The following GPHN variants were observed in gnomAD, a reference collection of about 807,000 sequenced individuals.
GPHN encodes the protein gephyrin.
A neutral mutation model predicts 95.5 loss-of-function variants in GPHN; 17 were observed. The observed-to-expected ratio is 0.18, with a 90% CI of 0.12 to 0.27. The LOEUF (loss-of-function observed/expected upper bound fraction) is 0.27, where lower values mean the gene tolerates loss of function less well. GPHN is among the 10% of genes least tolerant of loss of function. The pLI, the probability that GPHN is intolerant of heterozygous loss-of-function variation, is 1.00. For missense variants in GPHN, 660 were observed against 978.1 expected, an observed-to-expected ratio of 0.67 and a Z score of 4.34; for synonymous variants, 320 against 322.5, an observed-to-expected ratio of 0.99 and a Z score of 0.08.
At chr14:66,793,057 C>A (rs1420933213) in intron 3 of GPHN, among the ~76,000 whole-genome samples, 1 of 151,788 alleles carries the variant, frequency 6.6e-6, no homozygotes. Flanking sequence ...TGTTCCTTGC[C>A]CTCATTCCCG....
the GPHN span, among the ~76,000 whole-genome samples, chr14:67,413,416 C>T: frequency 6.6e-5 from 10 of 152,098 alleles, no homozygotes; most frequent in Admixed American, 5.2e-4. Flanking sequence ...TATTTGTGCT[C>T]CAGTTTGAAG....
the GPHN span, among the ~76,000 whole-genome samples, chr14:67,191,844 C>A: frequency 2.6e-5 from 4 of 152,206 alleles, no homozygotes; most frequent in African/African-American, 7.2e-5. Context: ...AGGAATCTCT[C>A]TTTTCTTTTA....
chr14:67,370,941 A>G, the GPHN span, among the ~76,000 whole-genome samples: 1 of 152,082 alleles, frequency 6.6e-6, no homozygotes, highest in Admixed American at 6.6e-5. Context: ...AGGTTGGAGG[A>G]TTGCTTGAGG....
rs556016041 is a variant in GPHN at position 66,928,408 on chromosome 14, A to G, written c.828+4116A>G. ...CATCTCTGATTTTATTTATTTGGGT[A>G]TTCTCTCTTTTCTTCTTTGGCTAAA... On this transcript the variant is annotated intron_variant, in intron 8 of 22. Transcript: ENST00000478722. Among the ~76,000 whole-genome samples, 6 of 151,852 alleles carry G rather than the reference A, an allele frequency of 4.0e-5. 1 individual carries two copies. The Middle Eastern group carries it at 0.014, about 344-fold the overall frequency.
rs3759753 is a variant in GPHN at position 66,681,098 on chromosome 14, T to C, written c.65-9T>C. ...TTAATTTTTTTTTCTTTTCCCCATTTCTATTTAGTGAGTGATAGTTGCTTC... is the reference window on the plus strand; with the variant it reads ...TTAATTTTTTTTTCTTTTCCCCATTCCTATTTAGTGAGTGATAGTTGCTTC... On this transcript the variant is annotated splice_polypyrimidine_tract_variant and intron_variant, in intron 1 of 22. Coordinates refer to ENST00000478722, the MANE Select transcript of GPHN (RefSeq NM_020806.5). The C allele has an allele frequency of 0.19, 284,404 of 1,511,636 alleles. 41,835 individuals carry two copies. Among genetic ancestry groups the C allele is most frequent in the African/African-American group, 0.66 (46,804 of 71,262 alleles). 93.6% of individuals were successfully genotyped at this position (1,511,636 alleles called of 1,614,324 possible).
At chr14:67,288,215 C>T in the GPHN span, among the ~76,000 whole-genome samples, 3 of 152,066 alleles carry the variant, frequency 2.0e-5, no homozygotes, top group African/African-American at 7.2e-5. Flanking sequence ...AAGTAGCTGG[C>T]ACTTTAGACA....
At chr14:67,282,182 G>A in the GPHN span, among the ~76,000 whole-genome samples, 4 of 152,132 alleles carry the variant, frequency 2.6e-5, no homozygotes, top group African/African-American at 9.6e-5. Flanking sequence ...AAAGTGAAGT[G>A]TAATAGCTTT....
At chr14:66,844,102 A>G (rs1034784321) in intron 4 of GPHN, among the ~76,000 whole-genome samples, 1 of 152,110 alleles carries the variant, frequency 6.6e-6, no homozygotes, top group African/African-American at 2.4e-5. Context: ...TGTAGTTTAG[A>G]TTAAAGTAGC....
chr14:67,716,245 AGTCAAACC>A, the GPHN span, among the ~76,000 whole-genome samples: 3 of 151,988 alleles, frequency 2.0e-5, no homozygotes, highest in Admixed American at 1.3e-4. Context: ...CTAAGTTATA[AGTCAAACC>A]GCTGTGACTG....
intron 3 of GPHN, among the ~76,000 whole-genome samples, chr14:66,789,693 G>A (rs1264692297): frequency 2.6e-5 from 4 of 152,150 alleles, no homozygotes; most frequent in Non-Finnish European, 4.4e-5. Flanking sequence ...TGATTTTACT[G>A]TGCATTTCAT....
chr14:66,607,029 G>A (rs375990014), intron 1 of GPHN, among the ~76,000 whole-genome samples: 2 of 152,258 alleles, frequency 1.3e-5, no homozygotes, highest in South Asian at 4.1e-4. Context: ...AGTTCTCAAG[G>A]AGAATGACTC....
chr14:66,683,647 A>G (rs2067143753), intron 2 of GPHN, among the ~76,000 whole-genome samples: 1 of 147,434 alleles, frequency 6.8e-6, no homozygotes, highest in Non-Finnish European at 1.5e-5. Flanking sequence ...GCAACATTGA[A>G]TAGGAAGTAT....
chr14:67,355,586 C>T, the GPHN span, among the ~76,000 whole-genome samples: 3 of 150,742 alleles, frequency 2.0e-5, no homozygotes, highest in Non-Finnish European at 4.4e-5. Flanking sequence ...ATTGGGTGAT[C>T]AGGAACAGCC....
the GPHN span, chr14:67,559,536 G>T: frequency 1.9e-6 from 2 of 1,077,742 alleles, no homozygotes; most frequent in South Asian, 1.3e-5. Context: ...CCTTTCTTGG[G>T]GTTTCCCACC....
At chr14:67,450,898 T>C in the GPHN span, among the ~76,000 whole-genome samples, 3 of 152,208 alleles carry the variant, frequency 2.0e-5, no homozygotes, top group Non-Finnish European at 1.5e-5. Context: ...TCAGAGGTCT[T>C]CATGGCAGCC....
chr14:67,468,121 A>C, the GPHN span, among the ~76,000 whole-genome samples: 1 of 152,018 alleles, frequency 6.6e-6, no homozygotes, highest in Non-Finnish European at 1.5e-5. Context: ...TTACAGGCAT[A>C]CGCTACCACA....
chr14:66,598,673 C>T (rs759737257), intron 1 of GPHN, among the ~76,000 whole-genome samples: 1 of 151,970 alleles, frequency 6.6e-6, no homozygotes, highest in Non-Finnish European at 1.5e-5. Context: ...GGTGAAACCC[C>T]ATCTCTACTA....
chr14:67,457,125 T>C, the GPHN span, among the ~76,000 whole-genome samples: 1 of 152,178 alleles, frequency 6.6e-6, no homozygotes, highest in African/African-American at 2.4e-5. Flanking sequence ...CAGGGCCTAC[T>C]TGAGGGTGGA....
chr14:67,063,291 A>C (rs2075898783), intron 11 of GPHN, among the ~76,000 whole-genome samples: 1 of 152,048 alleles, frequency 6.6e-6, no homozygotes. Context: ...ATTGGTCTAT[A>C]TATCTGTTTT....
Sources: allele counts gnomAD v4.1 joint callset (sites outside exome capture counted in the v4.1 genomes callset), GRCh38; gene constraint gnomAD v4.1.1; transcripts MANE v1.5; gene names NCBI Gene and HGNC (gene_info 2026-07-23, HGNC 2026-07-21).